Variants in SLC1A2 observed in about 807,000 individuals in gnomAD.
The protein encoded by SLC1A2 is excitatory amino acid transporter 2.
A neutral mutation model predicts 48.8 loss-of-function variants in SLC1A2; 15 were observed. The observed-to-expected ratio is 0.31, with a 90% CI of 0.21 to 0.47. The LOEUF is 0.47. SLC1A2 is among the 20% of genes least tolerant of loss of function. The probability of loss-of-function intolerance (pLI) is 0.99; values close to 1 mark genes in which losing one functional copy is unlikely to be tolerated. For synonymous variants in SLC1A2, 279 were observed against 272.6 expected (o/e 1.02, Z -0.23); for missense variants, 502 against 730.5 (o/e 0.69, Z 3.61).
At chr11:35,332,029 A>T (rs1591482151) in intron 1 of SLC1A2, among the ~76,000 whole-genome samples, 1 of 152,120 alleles carries the variant, frequency 6.6e-6, no homozygotes, top group African/African-American at 2.4e-5. Flanking sequence ...GAGTGGCAGG[A>T]CCTTATCAGC....
chr11:35,341,963 T>C (rs904796665), intron 1 of SLC1A2, among the ~76,000 whole-genome samples: 1 of 152,182 alleles, frequency 6.6e-6, no homozygotes, highest in African/African-American at 2.4e-5. Context: ...TATGAACTGA[T>C]ATGGAAAAAT....
intron 1 of SLC1A2, among the ~76,000 whole-genome samples, chr11:35,400,156 T>C (rs955334778): frequency 2.6e-5 from 4 of 152,228 alleles, no homozygotes; most frequent in African/African-American, 9.6e-5. Context: ...TTTGACCCAG[T>C]GATTTCCCTT....
chr11:35,386,082 G>C (rs193302730), intron 1 of SLC1A2, among the ~76,000 whole-genome samples: 2,607 of 152,090 alleles, frequency 0.017, 77 homozygotes, highest in African/African-American at 0.059. Context: ...AGGAGAATGG[G>C]GTGAACCCGG....
At chr11:35,307,704 T>C (rs536154057) in intron 4 of SLC1A2, among the ~76,000 whole-genome samples, 6 of 152,324 alleles carry the variant, frequency 3.9e-5, no homozygotes, top group South Asian at 2.1e-4. Context: ...CTCACCTCCA[T>C]TGAGTTATTT....
chr11:35,355,968 G>A (rs924286291), intron 1 of SLC1A2, among the ~76,000 whole-genome samples: 2 of 151,534 alleles, frequency 1.3e-5, no homozygotes, highest in East Asian at 1.9e-4. Context: ...TTTCTCATAT[G>A]TAAGGCACAG....
chr11:35,297,369 A>G (rs1428344105), intron 6 of SLC1A2, among the ~76,000 whole-genome samples: 1 of 151,968 alleles, frequency 6.6e-6, no homozygotes, highest in Non-Finnish European at 1.5e-5. Flanking sequence ...ATTCCCACTT[A>G]CCCATGTTGT....
rs1277562000 is a variant in SLC1A2 at position 35,251,348 on chromosome 11, A to G, written c.*9546T>C. 6.5e-6 allele frequency: 1 copy of G among 152,672 alleles called. No individual in the cohort carries two copies. The allele number at this position is 152,672 out of a possible 1,614,324, so 9.5% of individuals were successfully genotyped here. A position where few individuals can be genotyped will look rare whatever the true frequency, so the allele number is the denominator to read the frequency against. On this transcript the variant is annotated 3_prime_UTR_variant, in exon 11 of 11. Transcript: ENST00000278379. ...TGAAATGTTACAGTAATCAGTCCACATTGTAAGAAAGCTTAGAAAGCTAAA... is the reference window on the plus strand; with the variant it reads ...TGAAATGTTACAGTAATCAGTCCACGTTGTAAGAAAGCTTAGAAAGCTAAA...
At chr11:35,407,815 C>T (rs919190494) in intron 1 of SLC1A2, among the ~76,000 whole-genome samples, 2 of 152,210 alleles carry the variant, frequency 1.3e-5, no homozygotes, top group Non-Finnish European at 2.9e-5. Flanking sequence ...GAATCACCTC[C>T]CTCTGCCCAT....
At chr11:35,373,757 C>T (rs1854134665) in intron 1 of SLC1A2, among the ~76,000 whole-genome samples, 1 of 152,154 alleles carries the variant, frequency 6.6e-6, no homozygotes, top group Non-Finnish European at 1.5e-5. Context: ...ATACAGAGCA[C>T]TGGGTCAATG....
intron 1 of SLC1A2, among the ~76,000 whole-genome samples, chr11:35,344,755 G>A (rs1265978013): frequency 6.6e-6 from 1 of 152,190 alleles, no homozygotes; most frequent in Admixed American, 6.5e-5. Context: ...AAGAATGGGA[G>A]ACCCTTCCTG....
chr11:35,328,297 CCCAT>C (rs1852312930), intron 1 of SLC1A2, among the ~76,000 whole-genome samples: 1 of 152,184 alleles, frequency 6.6e-6, no homozygotes, highest in Non-Finnish European at 1.5e-5. Context: ...GAAGGACTCC[CCCAT>C]CAGAGGGACC....
chr11:35,345,362 C>A (rs1314534124), intron 1 of SLC1A2, among the ~76,000 whole-genome samples: 4 of 152,226 alleles, frequency 2.6e-5, no homozygotes, highest in Non-Finnish European at 5.9e-5. Context: ...GCTTTCAGAA[C>A]CTTCTGCTGA....
chr11:35,322,592 C>T (rs746379337), intron 1 of SLC1A2: 1 of 1,534,734 alleles, frequency 6.5e-7, no homozygotes, highest in South Asian at 1.2e-5. Context: ...CTAACCTCTC[C>T]TCCCTGGCCC....
intron 1 of SLC1A2, among the ~76,000 whole-genome samples, chr11:35,390,053 C>T (rs947213822): frequency 2.6e-5 from 4 of 152,158 alleles, no homozygotes; most frequent in African/African-American, 9.7e-5. Context: ...GTCACTATGA[C>T]ATTTAGCAAC....
rs1447504307 is a variant in SLC1A2, at chr11:35,417,673, G to A, written c.17+1277C>T. Among the ~76,000 whole-genome samples the A allele has an allele frequency of 2.0e-5, 3 of 152,134 alleles. No homozygotes were observed. The East Asian group carries it at 5.8e-4, about 29-fold the overall frequency. Reference sequence around the variant, plus strand: ...CAAAAAAGTCTAAACTGCAAAATAGGGCAAAGGGAGAGACAAAATTTCATG... The same window carrying A: ...CAAAAAAGTCTAAACTGCAAAATAGAGCAAAGGGAGAGACAAAATTTCATG... On this transcript the variant is annotated intron_variant, in intron 1 of 10. Transcript: ENST00000278379.
intron 1 of SLC1A2, among the ~76,000 whole-genome samples, chr11:35,387,295 A>G (rs1810729788): frequency 6.6e-6 from 1 of 152,150 alleles, no homozygotes; most frequent in African/African-American, 2.4e-5. Flanking sequence ...TGACTCAGAG[A>G]GGGGCCCAGC....
intron 1 of SLC1A2, among the ~76,000 whole-genome samples, chr11:35,335,521 C>G (rs1159007248): frequency 2.6e-5 from 4 of 152,190 alleles, no homozygotes; most frequent in Non-Finnish European, 5.9e-5. Flanking sequence ...TGCCATTTAG[C>G]TGAACTCTAT....
intron 3 of SLC1A2, among the ~76,000 whole-genome samples, chr11:35,314,483 G>C (rs1009332515): frequency 2.6e-5 from 4 of 152,202 alleles, no homozygotes; most frequent in Admixed American, 2.6e-4. Flanking sequence ...GGGAGGCTGA[G>C]GCGGGTGGAT....
chr11:35,345,767 A>AT (rs1449532478), intron 1 of SLC1A2, among the ~76,000 whole-genome samples: 1 of 152,250 alleles, frequency 6.6e-6, no homozygotes, highest in Non-Finnish European at 1.5e-5. Flanking sequence ...AATAATATAC[A>AT]TTTTGTCTAC....
Sources: gnomAD v4.1 joint callset for allele counts (sites outside exome capture counted in the v4.1 genomes callset) on GRCh38, gnomAD v4.1.1 for gene constraint, MANE v1.5 for transcripts, NCBI Gene and HGNC (gene_info 2026-07-23, HGNC 2026-07-21) for gene names.